CSMD1: variants seen among roughly 807,000 people sequenced by gnomAD.
The protein encoded by CSMD1 is CUB and sushi domain-containing protein 1.
CSMD1 carries 213 observed loss-of-function variants against 417.5 expected under a neutral mutation model. The observed-to-expected ratio is 0.51, with a 90% CI of 0.46 to 0.57. The LOEUF (loss-of-function observed/expected upper bound fraction) is 0.57. CSMD1 is among the 20% of genes least tolerant of loss of function. CSMD1 has a pLI of 0.00. For synonymous variants in CSMD1, 2,862 were observed against 1,736.8 expected, an observed-to-expected ratio of 1.65 and a Z score of -16.11; for missense variants, 6,923 against 4,529.7, an observed-to-expected ratio of 1.53 and a Z score of -15.17.
chr8:3,832,735 G>T (rs117329781), intron 5 of CSMD1, among the ~76,000 whole-genome samples: 1 of 152,072 alleles, frequency 6.6e-6, no homozygotes, highest in Non-Finnish European at 1.5e-5. Context: ...ACACCATGAT[G>T]ACTTCTGATA....
At chr8:3,516,711 A>G (rs1302595821) in intron 10 of CSMD1, among the ~76,000 whole-genome samples, 1 of 152,094 alleles carries the variant, frequency 6.6e-6, no homozygotes, top group African/African-American at 2.4e-5. Flanking sequence ...TCTTTGGTGG[A>G]GATTTGTGAT....
At chr8:3,861,026 T>A (rs888816403) in intron 5 of CSMD1, among the ~76,000 whole-genome samples, 2 of 152,230 alleles carry the variant, frequency 1.3e-5, no homozygotes, top group Non-Finnish European at 1.5e-5. Context: ...TTTCCTTGTA[T>A]GAACTGCTGC....
At position 4,890,418 on chromosome 8, in the gene CSMD1, G is replaced by A. The variant is rs542278228; in HGVS notation, c.85+103914C>T. On this transcript the variant is annotated intron_variant, in intron 1 of 69. Coordinates refer to ENST00000635120, the MANE Select transcript of CSMD1 (RefSeq NM_033225.6). The stretch of plus-strand genomic sequence containing the variant: ...CATCCTGGGCAAGACAGGTGAGAGC[G>A]TGACTCCGACACCCTCCCGCAGGAC... Among the ~76,000 whole-genome samples the A allele has an allele frequency of 2.0e-5, 3 of 150,670 alleles. No individual in the cohort carries two copies. The South Asian group carries it at 6.4e-4, about 32-fold the overall frequency.
intron 1 of CSMD1, among the ~76,000 whole-genome samples, chr8:4,980,769 G>A (rs954887253): frequency 6.6e-6 from 1 of 152,036 alleles, no homozygotes. Flanking sequence ...GCTGAGTGTG[G>A]TGGCATGGGT....
At chr8:3,530,467 C>T (rs1388247265) in intron 10 of CSMD1, among the ~76,000 whole-genome samples, 2 of 152,134 alleles carry the variant, frequency 1.3e-5, no homozygotes, top group African/African-American at 4.8e-5. Flanking sequence ...AATTTCCTAG[C>T]TTTCCTTCTG....
At chr8:4,937,934 A>T (rs1356158065) in intron 1 of CSMD1, among the ~76,000 whole-genome samples, 1 of 152,278 alleles carries the variant, frequency 6.6e-6, no homozygotes, top group African/African-American at 2.4e-5. Flanking sequence ...CTACTTATCT[A>T]AATTTTGTTT....
At position 4,674,260 on chromosome 8, in the gene CSMD1, G is replaced by A. The variant is rs915792528; in HGVS notation, c.86-36702C>T. 8.5e-5 allele frequency among the ~76,000 whole-genome samples: 13 copies of A among 152,184 alleles called. No homozygotes were observed. In the East Asian group the frequency reaches 2.5e-3, roughly 29 times the overall value. On this transcript the variant is annotated intron_variant, in intron 1 of 69. Transcript: ENST00000635120. ...AGTGGTCCTGAGTTGAAAAAAGCGGGAGGTTATGTTGAGTCTGGCATGTGC... is the reference window on the plus strand; with the variant it reads ...AGTGGTCCTGAGTTGAAAAAAGCGGAAGGTTATGTTGAGTCTGGCATGTGC...
chr8:4,389,478 T>G (rs1240953129), intron 3 of CSMD1, among the ~76,000 whole-genome samples: 2 of 152,132 alleles, frequency 1.3e-5, no homozygotes, highest in East Asian at 3.8e-4. Context: ...GTGCTTTTTT[T>G]TCTCAGAAAT....
chr8:4,985,928 T>C (rs1398730285), intron 1 of CSMD1, among the ~76,000 whole-genome samples: 3 of 152,096 alleles, frequency 2.0e-5, no homozygotes, highest in Non-Finnish European at 4.4e-5. Context: ...TGCGCAGAAA[T>C]TGTCTGATGA....
intron 7 of CSMD1, among the ~76,000 whole-genome samples, chr8:3,623,005 A>G (rs1408359813): frequency 6.6e-6 from 1 of 152,222 alleles, no homozygotes; most frequent in African/African-American, 2.4e-5. Context: ...AGATAGTAAT[A>G]AATATGTTAA....
At chr8:2,955,052 C>T (rs966499530) in intron 64 of CSMD1, among the ~76,000 whole-genome samples, 14 of 152,168 alleles carry the variant, frequency 9.2e-5, no homozygotes, top group African/African-American at 3.1e-4. Context: ...CTTGTAAACA[C>T]ACAAATTTGT....
chr8:3,398,498 T>A (rs947622136), intron 16 of CSMD1, among the ~76,000 whole-genome samples: 8 of 152,178 alleles, frequency 5.3e-5, no homozygotes, highest in African/African-American at 1.4e-4. Flanking sequence ...CTTTCCTGTG[T>A]TGATGTTAGC....
chr8:4,820,343 G>T (rs916770384), intron 1 of CSMD1, among the ~76,000 whole-genome samples: 1 of 152,118 alleles, frequency 6.6e-6, no homozygotes, highest in African/African-American at 2.4e-5. Context: ...ATTATAAAAA[G>T]GTAAGAATGA....
chr8:3,731,055 T>G (rs2129047573), intron 6 of CSMD1, among the ~76,000 whole-genome samples: 1 of 152,338 alleles, frequency 6.6e-6, no homozygotes, highest in African/African-American at 2.4e-5. Context: ...TTATCACAGC[T>G]ATTTTTCCTA....
At chr8:3,212,545 G>A (rs1163954290) in intron 30 of CSMD1, among the ~76,000 whole-genome samples, 3 of 151,966 alleles carry the variant, frequency 2.0e-5, no homozygotes, top group African/African-American at 7.3e-5. Flanking sequence ...GTAGAGATGG[G>A]GTTTTGTCAT....
At chr8:4,003,296 G>C (rs1482103779) in intron 4 of CSMD1, among the ~76,000 whole-genome samples, 2 of 152,096 alleles carry the variant, frequency 1.3e-5, no homozygotes, top group East Asian at 1.9e-4. Context: ...GCGAGGCTGA[G>C]GCAGGAGAAT....
intron 5 of CSMD1, among the ~76,000 whole-genome samples, chr8:3,889,925 G>C (rs1276459088): frequency 6.6e-6 from 1 of 152,180 alleles, no homozygotes; most frequent in Non-Finnish European, 1.5e-5. Context: ...CCACATGCCC[G>C]TAGTCTCAGA....
At chr8:3,408,284 T>A in intron 13 of CSMD1, 59 bp from the exon 14 acceptor site, 1 of 1,346,586 alleles carries the variant, frequency 7.4e-7, no homozygotes. Flanking sequence ...AATTGCCATG[T>A]GAAACAGACA....
chr8:3,649,673 C>A (rs566579845), intron 7 of CSMD1, among the ~76,000 whole-genome samples: 1 of 152,272 alleles, frequency 6.6e-6, no homozygotes, highest in East Asian at 1.9e-4. Flanking sequence ...TTACCTCCAC[C>A]TGGTCTCTGC....
Sources: allele counts gnomAD v4.1 joint callset (sites outside exome capture counted in the v4.1 genomes callset), GRCh38; gene constraint gnomAD v4.1.1; transcripts MANE v1.5; gene names NCBI Gene and HGNC (gene_info 2026-07-23, HGNC 2026-07-21).